TBC1D5: variants seen among roughly 807,000 people sequenced by gnomAD.
The protein encoded by TBC1D5 is TBC1 domain family member 5.
In TBC1D5, 75 loss-of-function variants were observed where a neutral mutation model predicts 100.3. That is an observed-to-expected ratio of 0.75 (90% CI 0.62 to 0.91). The LOEUF (loss-of-function observed/expected upper bound fraction) is 0.91. Ranked by LOEUF, TBC1D5 falls within the 40% of genes least tolerant of loss-of-function variation. TBC1D5 has a pLI of 0.00. For synonymous variants in TBC1D5, 323 were observed against 325.6 expected, an observed-to-expected ratio of 0.99 and a Z score of 0.09; for missense variants, 910 against 942.4, an observed-to-expected ratio of 0.97 and a Z score of 0.45.
chr3:17,549,434 A>G (rs1358519678), intron 2 of TBC1D5, among the ~76,000 whole-genome samples: 1 of 152,224 alleles, frequency 6.6e-6, no homozygotes, highest in Non-Finnish European at 1.5e-5. Flanking sequence ...AAACATTTAA[A>G]AGTAAAGATA....
chr3:17,621,253 A>T (rs902644306), intron 2 of TBC1D5, among the ~76,000 whole-genome samples: 2 of 152,210 alleles, frequency 1.3e-5, no homozygotes, highest in Non-Finnish European at 1.5e-5. Flanking sequence ...GTATAAATAC[A>T]GATGCATGTG....
intron 9 of TBC1D5, among the ~76,000 whole-genome samples, chr3:17,382,529 A>G (rs1321618936): frequency 1.3e-5 from 2 of 151,242 alleles, no homozygotes; most frequent in East Asian, 1.9e-4. Flanking sequence ...CTATTTTTCT[A>G]TTTATTCGAT....
intron 13 of TBC1D5, among the ~76,000 whole-genome samples, chr3:17,349,097 A>C (rs73145862): frequency 0.09 from 13,706 of 152,200 alleles, 1,415 homozygotes; most frequent in African/African-American, 0.26. Flanking sequence ...ATTATCCAAA[A>C]CTGAAAGAAA....
At position 17,260,455 on chromosome 3, in the gene TBC1D5, T is replaced by C. The variant is rs149677458; in HGVS notation, c.1246-1864A>G. Among the ~76,000 whole-genome samples the C allele has an allele frequency of 3.1e-3, 469 of 152,278 alleles. 1 individual carries two copies. Among genetic ancestry groups the C allele is most frequent in the Middle Eastern group, 0.017 (5 of 294 alleles). ...TAATGATCTAACTTGAACATATAAATGAGGCTCAAGTATTGCTTTCACTGA... is the reference window on the plus strand; with the variant it reads ...TAATGATCTAACTTGAACATATAAACGAGGCTCAAGTATTGCTTTCACTGA... On this transcript the variant is annotated intron_variant, in intron 15 of 21. Transcript: ENST00000253692.
intron 3 of TBC1D5, 24 bp downstream of exon 3, chr3:17,508,450 A>T (rs773397917): frequency 6.3e-7 from 1 of 1,580,148 alleles, no homozygotes; most frequent in East Asian, 2.2e-5. Context: ...CTACCTACAA[A>T]TAGTATTGGC....
At chr3:17,682,438 G>A (rs1243475481) in intron 1 of TBC1D5, among the ~76,000 whole-genome samples, 4 of 151,348 alleles carry the variant, frequency 2.6e-5, no homozygotes, top group African/African-American at 9.8e-5. Context: ...AAACATCAGA[G>A]TTATCATTTA....
chr3:17,182,451 T>C (rs1418473689), intron 19 of TBC1D5, among the ~76,000 whole-genome samples: 2 of 152,218 alleles, frequency 1.3e-5, no homozygotes, highest in Non-Finnish European at 2.9e-5. Context: ...CAGTGCTGAT[T>C]GAAAGACCAA....
chr3:17,533,213 C>T (rs777949408), intron 2 of TBC1D5, among the ~76,000 whole-genome samples: 1 of 152,088 alleles, frequency 6.6e-6, no homozygotes, highest in Non-Finnish European at 1.5e-5. Context: ...TTTCCCCATA[C>T]AATTAAAAGA....
At chr3:17,271,134 T>C (rs2079381033) in intron 15 of TBC1D5, among the ~76,000 whole-genome samples, 1 of 152,186 alleles carries the variant, frequency 6.6e-6, no homozygotes, top group Admixed American at 6.5e-5. Context: ...TAGAATAGTT[T>C]TTTCTAACTC....
chr3:17,410,796 A>G (rs1559827955), intron 4 of TBC1D5, among the ~76,000 whole-genome samples: 1 of 152,176 alleles, frequency 6.6e-6, no homozygotes, highest in Non-Finnish European at 1.5e-5. Context: ...CTTAAATTAG[A>G]AGTTGCTTCT....
chr3:17,390,063 A>T (rs902089086), intron 8 of TBC1D5, among the ~76,000 whole-genome samples: 1 of 152,152 alleles, frequency 6.6e-6, no homozygotes, highest in African/African-American at 2.4e-5. Flanking sequence ...CAGACATTTG[A>T]TTATACAAAG....
intron 1 of TBC1D5, among the ~76,000 whole-genome samples, chr3:17,726,066 A>G (rs977299999): frequency 6.6e-6 from 1 of 152,196 alleles, no homozygotes; most frequent in Non-Finnish European, 1.5e-5. Context: ...TTATGGCTGC[A>G]TGGTATTCCA....
At chr3:17,589,530 A>C (rs2096752958) in intron 2 of TBC1D5, among the ~76,000 whole-genome samples, 1 of 151,720 alleles carries the variant, frequency 6.6e-6, no homozygotes, top group Non-Finnish European at 1.5e-5. Context: ...CAAGATCTTG[A>C]CTCTTGTCTG....
chr3:17,461,098 G>A (rs912216813), intron 3 of TBC1D5, among the ~76,000 whole-genome samples: 8 of 152,146 alleles, frequency 5.3e-5, no homozygotes, highest in African/African-American at 1.9e-4. Flanking sequence ...ATAAAGCACA[G>A]AAAATAACAT....
intron 3 of TBC1D5, among the ~76,000 whole-genome samples, chr3:17,469,280 G>T (rs886265368): frequency 2.6e-5 from 4 of 152,166 alleles, no homozygotes; most frequent in African/African-American, 9.7e-5. Context: ...ATGGTATGAA[G>T]TATTACTGAG....
At chr3:17,352,828 T>G (rs1445297105) in intron 13 of TBC1D5, among the ~76,000 whole-genome samples, 1 of 152,044 alleles carries the variant, frequency 6.6e-6, no homozygotes, top group Non-Finnish European at 1.5e-5. Context: ...AAAACATGCC[T>G]TTTCATCGAA....
chr3:17,368,630 C>G (rs2092302965), intron 13 of TBC1D5, among the ~76,000 whole-genome samples: 1 of 151,776 alleles, frequency 6.6e-6, no homozygotes, highest in Non-Finnish European at 1.5e-5. Flanking sequence ...TTGCCATTGG[C>G]TCATTCATTA....
intron 3 of TBC1D5, among the ~76,000 whole-genome samples, chr3:17,454,547 C>T (rs1321103661): frequency 6.6e-6 from 1 of 152,034 alleles, no homozygotes. Flanking sequence ...GCAAGCTCCG[C>T]CTCCCGGGTT....
At chr3:17,379,579 T>C (rs978625918) in intron 9 of TBC1D5, among the ~76,000 whole-genome samples, 2 of 152,072 alleles carry the variant, frequency 1.3e-5, no homozygotes, top group Admixed American at 6.6e-5. Context: ...CGATGGAGCT[T>C]GTGGTCTAGA....
Sources: gnomAD v4.1 joint callset for allele counts (sites outside exome capture counted in the v4.1 genomes callset) on GRCh38, gnomAD v4.1.1 for gene constraint, MANE v1.5 for transcripts, NCBI Gene and HGNC (gene_info 2026-07-23, HGNC 2026-07-21) for gene names.